The following LIFR variants were observed in gnomAD, a reference collection of about 807,000 sequenced individuals.
LIFR encodes LIF receptor subunit alpha.
Under a neutral mutation model 122.2 loss-of-function variants are expected in LIFR, and 84 were observed. The observed-to-expected ratio is 0.69, with a 90% CI of 0.58 to 0.82. LIFR has a LOEUF of 0.82. Ranked by LOEUF, LIFR falls within the 40% of genes least tolerant of loss-of-function variation. LIFR has a pLI of 0.00. For missense variants in LIFR, 1,294 were observed against 1,311.6 expected, an observed-to-expected ratio of 0.99 and a Z score of 0.21; for synonymous variants, 422 against 434.7, an observed-to-expected ratio of 0.97 and a Z score of 0.36.
intron 16 of LIFR, among the ~76,000 whole-genome samples, chr5:38,487,809 A>G (rs1265117880): frequency 6.6e-6 from 1 of 151,688 alleles, no homozygotes; most frequent in Non-Finnish European, 1.5e-5. Flanking sequence ...TCTTCAATCG[A>G]CCCCTCCGTT....
intron 5 of LIFR, among the ~76,000 whole-genome samples, chr5:38,518,752 T>C (rs1158878229): frequency 2.0e-5 from 3 of 152,176 alleles, no homozygotes; most frequent in Non-Finnish European, 4.4e-5. Context: ...AAGTTAACTG[T>C]AAAACAGCCT....
Position 38,590,378 on chromosome 5 carries a change from T to C in LIFR, c.-20+4883A>G, listed in dbSNP as rs922176929. 4.6e-5 allele frequency among the ~76,000 whole-genome samples: 7 copies of C among 152,264 alleles called. No homozygotes were observed. The East Asian group carries it at 1.4e-3, about 29-fold the overall frequency. On this transcript the variant is annotated intron_variant, in intron 1 of 19. Coordinates refer to the LIFR transcript ENST00000263409. ...GAGGTGGGAAAATACTTGGTAACTT[T>C]TCCTTGGACCCTAGAGACCCGTGTA...
intron 14 of LIFR, among the ~76,000 whole-genome samples, chr5:38,493,207 C>A (rs561675431): frequency 9.2e-5 from 14 of 151,754 alleles, no homozygotes; most frequent in Non-Finnish European, 2.1e-4. Flanking sequence ...GGCTACAGTT[C>A]CGTAGTTTTT....
At chr5:38,529,031 G>A (rs1196397383) in intron 2 of LIFR, among the ~76,000 whole-genome samples, 191 bp from the exon 3 acceptor site, 6 of 151,286 alleles carry the variant, frequency 4.0e-5, no homozygotes, top group Admixed American at 3.9e-4. Flanking sequence ...GAGTGGACTG[G>A]TTTTCTATTT....
intron 1 of LIFR, among the ~76,000 whole-genome samples, chr5:38,537,358 C>G (rs1747344929): frequency 6.6e-6 from 1 of 152,172 alleles, no homozygotes; most frequent in South Asian, 2.1e-4. Context: ...CCTATATTTC[C>G]CATTCTTCCA....
In LIFR at chr5:38,530,868, C is replaced by T. The variant is rs138613026; in HGVS notation, c.-19-202G>A. ...CAGCTGTTGCTTTAGGTATCTACTACGAGGCCAATTTTCAAATGATGGGCT... is the reference window on the plus strand; with the variant it reads ...CAGCTGTTGCTTTAGGTATCTACTATGAGGCCAATTTTCAAATGATGGGCT... On this transcript the variant is annotated intron_variant, in intron 1 of 19. Coordinates refer to ENST00000453190, the MANE Select transcript of LIFR (RefSeq NM_001127671.2). The T allele has an allele frequency of 1.0e-4, 52 of 517,178 alleles. No individual in the cohort carries two copies. In the Middle Eastern group the frequency reaches 1.6e-3, roughly 16 times the overall value. 32.0% of individuals were successfully genotyped at this position (517,178 alleles called of 1,614,324 possible).
intron 7 of LIFR, among the ~76,000 whole-genome samples, chr5:38,507,213 G>A (rs1281777716): frequency 6.6e-6 from 1 of 151,740 alleles, no homozygotes; most frequent in East Asian, 1.9e-4. Context: ...CAGCTTTAAG[G>A]CAGGACTAGA....
chr5:38,534,465 G>A (rs2112585144), intron 1 of LIFR, among the ~76,000 whole-genome samples: 1 of 152,300 alleles, frequency 6.6e-6, no homozygotes, highest in East Asian at 1.9e-4. Context: ...CTGGAACAAA[G>A]TGATGTTTCA....
chr5:38,512,085 T>G, intron 5 of LIFR, 121 bp from the exon 6 acceptor site: 1 of 956,974 alleles, frequency 1.0e-6, no homozygotes, highest in Non-Finnish European at 1.6e-6. Context: ...TTTTGTCCTT[T>G]AATACAACTC....
intron 9 of LIFR, among the ~76,000 whole-genome samples, chr5:38,505,401 T>TACACACACACAC (rs58882043): frequency 1.5e-4 from 21 of 139,470 alleles, no homozygotes; most frequent in Non-Finnish European, 2.5e-4. Flanking sequence ...TGCATAGAAC[T>TACACACACACAC]ACACACACAC....
chr5:38,592,586 G>A (rs1323337269), intron 1 of LIFR, among the ~76,000 whole-genome samples: 2 of 151,702 alleles, frequency 1.3e-5, no homozygotes, highest in Non-Finnish European at 2.9e-5. Flanking sequence ...GAACCTGGGA[G>A]GTGGAGATTG....
Position 38,525,586 on chromosome 5 carries a change from CA to C in LIFR, c.397+1568del, listed in dbSNP as rs200497364. Among the ~76,000 whole-genome samples the C allele has an allele frequency of 9.9e-5, 15 of 152,280 alleles. No individual in the cohort carries two copies. In the East Asian group the frequency reaches 2.9e-3, roughly 29 times the overall value. ...GTTTAGGGCTGTACAGGACACAGAACATGTGGATTTACAGTCTAAACTACAG... is the reference window on the plus strand; with the variant it reads ...GTTTAGGGCTGTACAGGACACAGAACTGTGGATTTACAGTCTAAACTACAG... On this transcript the variant is annotated intron_variant, in intron 4 of 19. Coordinates refer to ENST00000453190, the MANE Select transcript of LIFR (RefSeq NM_001127671.2).
chr5:38,592,680 C>T (rs1256580181), intron 1 of LIFR, among the ~76,000 whole-genome samples: 1 of 148,840 alleles, frequency 6.7e-6, no homozygotes, highest in Non-Finnish European at 1.5e-5. Context: ...AAAAAAGTTA[C>T]GTGAGACGGC....
chr5:38,563,328 C>T (rs1332914761), intron 1 of LIFR, among the ~76,000 whole-genome samples: 1 of 152,142 alleles, frequency 6.6e-6, no homozygotes, highest in Non-Finnish European at 1.5e-5. Context: ...ATTAGTCTAA[C>T]CTTACTGGGT....
At chr5:38,597,156 A>C (rs1340519663), upstream of LIFR, among the ~76,000 whole-genome samples, 1 of 152,208 alleles carries the variant, frequency 6.6e-6, no homozygotes, top group Admixed American at 6.5e-5. Context: ...CTATCAATGA[A>C]AGCTTATACT....
intron 5 of LIFR, among the ~76,000 whole-genome samples, chr5:38,522,811 T>A (rs1225747637): frequency 2.6e-5 from 4 of 152,196 alleles, no homozygotes; most frequent in East Asian, 3.8e-4. Flanking sequence ...CATGAGATGG[T>A]CTTCTAATTC....
At chr5:38,579,808 A>T (rs967633401) in intron 1 of LIFR, among the ~76,000 whole-genome samples, 4 of 152,168 alleles carry the variant, frequency 2.6e-5, no homozygotes, top group Admixed American at 2.0e-4. Flanking sequence ...GTGTGTTTTT[A>T]AAAATGTGAT....
At chr5:38,585,363 C>G (rs1749713975) in intron 1 of LIFR, among the ~76,000 whole-genome samples, 1 of 152,198 alleles carries the variant, frequency 6.6e-6, no homozygotes, top group Non-Finnish European at 1.5e-5. Context: ...AGTGAATCTT[C>G]CCAGAACCTT....
intron 15 of LIFR, 99 bp downstream of exon 15, chr5:38,490,091 T>C (rs1309512301): frequency 1.9e-6 from 1 of 516,980 alleles, no homozygotes. Flanking sequence ...TTCCTTCAAT[T>C]ATACATCTTA....
Sources: gnomAD v4.1 joint callset for allele counts (sites outside exome capture counted in the v4.1 genomes callset) on GRCh38, gnomAD v4.1.1 for gene constraint, MANE v1.5 for transcripts, NCBI Gene and HGNC (gene_info 2026-07-23, HGNC 2026-07-21) for gene names.